The following LDAH variants were observed in gnomAD, a reference collection of about 807,000 sequenced individuals.
LDAH encodes the protein lipid droplet associated hydrolase.
Under a neutral mutation model 29.6 loss-of-function variants are expected in LDAH, and 26 were observed. The observed-to-expected ratio is 0.88, with a 90% CI of 0.64 to 1.22. LDAH has a LOEUF of 1.22. LDAH is among the 50% of genes most tolerant of loss of function. The pLI, the probability that LDAH is intolerant of heterozygous loss-of-function variation, is 0.00. For synonymous variants in LDAH, 117 were observed against 133.0 expected (o/e 0.88, Z 0.83); for missense variants, 344 against 387.3 (o/e 0.89, Z 0.94).
rs367818901 is a variant in LDAH, at chr2:20,761,545, C to T, written c.468+13265G>A. Among the ~76,000 whole-genome samples the T allele has an allele frequency of 2.6e-5, 4 of 152,244 alleles. No homozygotes were observed. In the East Asian group the frequency reaches 7.7e-4, roughly 29 times the overall value. On this transcript the variant is annotated intron_variant, in intron 4 of 6. Transcript: ENST00000237822. Reference sequence around the variant, plus strand: ...GCTAATGACTTATTTGTTCTTTTGTCTATTTATAAACTATCTTGTACCCAG... The same window carrying T: ...GCTAATGACTTATTTGTTCTTTTGTTTATTTATAAACTATCTTGTACCCAG...
chr2:20,778,836 G>T (rs1470168555), intron 3 of LDAH, among the ~76,000 whole-genome samples: 2 of 151,678 alleles, frequency 1.3e-5, no homozygotes, highest in African/African-American at 4.8e-5. Flanking sequence ...TTTATTACAT[G>T]TATATTACTA....
At chr2:20,785,171 T>A (rs1049474021) in intron 3 of LDAH, among the ~76,000 whole-genome samples, 11 of 152,194 alleles carry the variant, frequency 7.2e-5, no homozygotes, top group Non-Finnish European at 1.6e-4. Context: ...CAGATTTGAG[T>A]TTCTAATCTC....
chr2:20,770,818 C>G (rs896105797), intron 4 of LDAH, among the ~76,000 whole-genome samples: 4 of 152,122 alleles, frequency 2.6e-5, no homozygotes, highest in Non-Finnish European at 5.9e-5. Context: ...CAGCTAATAC[C>G]AGTATGCCCC....
intron 5 of LDAH, among the ~76,000 whole-genome samples, chr2:20,724,861 G>C (rs1040262595): frequency 1.3e-5 from 2 of 152,202 alleles, no homozygotes; most frequent in African/African-American, 4.8e-5. Context: ...CCACTAGTAT[G>C]ATTCATATTA....
intron 6 of LDAH, among the ~76,000 whole-genome samples, chr2:20,692,207 CTATA>C (rs1320146017): frequency 6.6e-6 from 1 of 152,138 alleles, no homozygotes; most frequent in Admixed American, 6.5e-5. Flanking sequence ...GAGAACAGAC[CTATA>C]TAAACTGGCT....
chr2:20,791,246 T>G (rs1209675108), intron 2 of LDAH, among the ~76,000 whole-genome samples: 1 of 152,220 alleles, frequency 6.6e-6, no homozygotes, highest in Non-Finnish European at 1.5e-5. Flanking sequence ...CCAGACTACC[T>G]GGGTTGGAAT....
chr2:20,739,132 C>T (rs1346943716), intron 5 of LDAH, among the ~76,000 whole-genome samples: 1 of 152,196 alleles, frequency 6.6e-6, no homozygotes, highest in Non-Finnish European at 1.5e-5. Flanking sequence ...AATAGCAATA[C>T]TAAACCTTAT....
intron 3 of LDAH, among the ~76,000 whole-genome samples, chr2:20,776,090 T>A (rs1360160313): frequency 6.6e-6 from 1 of 152,206 alleles, no homozygotes. Flanking sequence ...GTCAACTGTT[T>A]CCTAAAATTT....
chr2:20,708,507 A>G (rs1447786415), intron 5 of LDAH, among the ~76,000 whole-genome samples: 1 of 152,252 alleles, frequency 6.6e-6, no homozygotes, highest in Non-Finnish European at 1.5e-5. Context: ...CATGCATGCA[A>G]TGCAAGAAAA....
intron 4 of LDAH, among the ~76,000 whole-genome samples, chr2:20,766,516 C>A (rs1227254560): frequency 1.3e-5 from 2 of 152,180 alleles, no homozygotes; most frequent in Admixed American, 1.3e-4. Flanking sequence ...TTCATAGGGG[C>A]AGCCTACCCT....
At chr2:20,785,114 A>G (rs975147411) in intron 3 of LDAH, among the ~76,000 whole-genome samples, 1 of 152,182 alleles carries the variant, frequency 6.6e-6, no homozygotes, top group Non-Finnish European at 1.5e-5. Context: ...GAACAAGAAA[A>G]ATAAACTTTT....
At chr2:20,749,783 G>A (rs1314736306) in intron 4 of LDAH, among the ~76,000 whole-genome samples, 8 of 152,188 alleles carry the variant, frequency 5.3e-5, no homozygotes, top group Non-Finnish European at 1.0e-4. Flanking sequence ...AAGTGTATAA[G>A]TCCCCATATC....
intron 1 of LDAH, among the ~76,000 whole-genome samples, chr2:20,821,326 T>C (rs541160781): frequency 7.9e-5 from 12 of 152,360 alleles, no homozygotes; most frequent in East Asian, 3.9e-4. Context: ...TGTATGTTTA[T>C]TGCAGCACTA....
intron 4 of LDAH, among the ~76,000 whole-genome samples, chr2:20,754,199 G>T (rs1176256355): frequency 6.6e-6 from 1 of 151,984 alleles, no homozygotes; most frequent in Non-Finnish European, 1.5e-5. Flanking sequence ...AAAAAGTAAA[G>T]TACGCAGGCT....
chr2:20,738,293 TAG>T (rs1354943844), intron 5 of LDAH, among the ~76,000 whole-genome samples: 1 of 133,824 alleles, frequency 7.5e-6, no homozygotes, highest in Non-Finnish European at 1.6e-5. Context: ...TAATAATATA[TAG>T]ATTCTTGCAA....
At chr2:20,780,281 CCA>C (rs1416986293) in intron 3 of LDAH, among the ~76,000 whole-genome samples, 1 of 152,090 alleles carries the variant, frequency 6.6e-6, no homozygotes, top group Non-Finnish European at 1.5e-5. Context: ...ACGGTGAAAA[CCA>C]CAGTCATCAA....
intron 4 of LDAH, among the ~76,000 whole-genome samples, chr2:20,770,176 C>T (rs1227094150): frequency 1.3e-5 from 2 of 152,050 alleles, no homozygotes; most frequent in South Asian, 2.1e-4. Context: ...ATATTTTAGA[C>T]AAATTTTTAT....
intron 3 of LDAH, among the ~76,000 whole-genome samples, chr2:20,785,876 G>C (rs1270888774): frequency 6.6e-6 from 1 of 152,112 alleles, no homozygotes; most frequent in Non-Finnish European, 1.5e-5. Flanking sequence ...TTTCTTAAGA[G>C]TTCCCTACTG....
At chr2:20,765,308 T>C (rs1668955677) in intron 4 of LDAH, among the ~76,000 whole-genome samples, 1 of 152,194 alleles carries the variant, frequency 6.6e-6, no homozygotes, top group Non-Finnish European at 1.5e-5. Context: ...TAAATTATTA[T>C]GTGTTCTTCT....
Sources: gnomAD v4.1 joint callset for allele counts (sites outside exome capture counted in the v4.1 genomes callset) on GRCh38, gnomAD v4.1.1 for gene constraint, MANE v1.5 for transcripts, NCBI Gene and HGNC (gene_info 2026-07-23, HGNC 2026-07-21) for gene names.